PRKCA: variants seen among roughly 807,000 people sequenced by gnomAD.
PRKCA encodes the protein protein kinase C alpha type.
In PRKCA, 27 loss-of-function variants were observed where a neutral mutation model predicts 87.0. That is an observed-to-expected ratio of 0.31 (90% CI 0.23 to 0.43). The LOEUF (loss-of-function observed/expected upper bound fraction) is 0.43, where lower values mean the gene tolerates loss of function less well. Among genes scored for constraint, PRKCA ranks in the 20% least tolerant of loss-of-function variants. The probability of loss-of-function intolerance (pLI) is 1.00; values close to 1 mark genes in which losing one functional copy is unlikely to be tolerated. For synonymous variants in PRKCA, 329 were observed against 311.1 expected (o/e 1.06, Z -0.61); for missense variants, 518 against 852.3 (o/e 0.61, Z 4.88).
intron 3 of PRKCA, among the ~76,000 whole-genome samples, chr17:66,531,085 C>T (rs1967519057): frequency 6.6e-6 from 1 of 152,188 alleles, no homozygotes; most frequent in Admixed American, 6.5e-5. Context: ...TTTTCAGTAA[C>T]ATTCTTTGCT....
intron 2 of PRKCA, among the ~76,000 whole-genome samples, chr17:66,430,886 A>T (rs1239965819): frequency 6.6e-6 from 1 of 152,110 alleles, no homozygotes; most frequent in Non-Finnish European, 1.5e-5. Context: ...AGTTCCTCCA[A>T]CCAATCCTTT....
At chr17:66,346,250 C>G (rs1350066858) in intron 2 of PRKCA, among the ~76,000 whole-genome samples, 1 of 151,884 alleles carries the variant, frequency 6.6e-6, no homozygotes, top group Non-Finnish European at 1.5e-5. Context: ...GCACGTGCCA[C>G]CACGCCTGGC....
intron 3 of PRKCA, among the ~76,000 whole-genome samples, chr17:66,592,429 A>G (rs1442997061): frequency 1.3e-5 from 2 of 152,028 alleles, no homozygotes; most frequent in Non-Finnish European, 1.5e-5. Flanking sequence ...TCCTCAAAAA[A>G]TAGAAAAAGA....
intron 2 of PRKCA, among the ~76,000 whole-genome samples, chr17:66,326,007 G>A (rs1315168266): frequency 3.3e-5 from 5 of 152,082 alleles, no homozygotes; most frequent in South Asian, 4.1e-4. Flanking sequence ...AGCAGGTACC[G>A]TACTAGTTAC....
intron 3 of PRKCA, among the ~76,000 whole-genome samples, chr17:66,505,749 C>T (rs1040771417): frequency 2.6e-5 from 4 of 152,120 alleles, no homozygotes; most frequent in African/African-American, 9.7e-5. Context: ...TATAAAATGC[C>T]TCTGACATCA....
At chr17:66,435,174 AAG>A (rs2143846268) in intron 2 of PRKCA, among the ~76,000 whole-genome samples, 1 of 152,326 alleles carries the variant, frequency 6.6e-6, no homozygotes, top group South Asian at 2.1e-4. Flanking sequence ...CTTGAGGGCA[AAG>A]AGGGGCTAGT....
rs966471715 is a variant in PRKCA, at chr17:66,358,921, G to A, written c.205+52794G>A. 8.6e-5 allele frequency among the ~76,000 whole-genome samples: 13 copies of A among 151,954 alleles called. 1 individual carries two copies. Among genetic ancestry groups the A allele is most frequent in the Middle Eastern group, 3.4e-3 (1 of 294 alleles). On this transcript the variant is annotated intron_variant, in intron 2 of 16. Coordinates refer to ENST00000413366, the MANE Select transcript of PRKCA (RefSeq NM_002737.3). ...AATTTAACAGGATATTAGGATGAGA[G>A]TACCTTTAAAAAAAAGTTCTGCTAA...
intron 3 of PRKCA, among the ~76,000 whole-genome samples, chr17:66,609,041 A>T (rs1283824893): frequency 1.3e-5 from 2 of 152,196 alleles, no homozygotes; most frequent in African/African-American, 4.8e-5. Flanking sequence ...TAGGATCTAG[A>T]ACTCCTGTTT....
At chr17:66,482,206 C>T (rs1213519570) in intron 2 of PRKCA, among the ~76,000 whole-genome samples, 3 of 151,818 alleles carry the variant, frequency 2.0e-5, no homozygotes, top group African/African-American at 7.3e-5. Flanking sequence ...CAAGGCCTTG[C>T]CCTTGAGTTT....
At chr17:66,425,320 C>T (rs1473406099) in intron 2 of PRKCA, among the ~76,000 whole-genome samples, 1 of 152,122 alleles carries the variant, frequency 6.6e-6, no homozygotes, top group East Asian at 1.9e-4. Flanking sequence ...AACCACCGAG[C>T]CCTCTGACAG....
chr17:66,712,521 A>G (rs1973356982), intron 8 of PRKCA, among the ~76,000 whole-genome samples: 1 of 152,218 alleles, frequency 6.6e-6, no homozygotes, highest in Non-Finnish European at 1.5e-5. Flanking sequence ...GAGAAAAATA[A>G]GAAGAAAGAG....
intron 8 of PRKCA, among the ~76,000 whole-genome samples, chr17:66,704,362 G>C (rs1016682303): frequency 6.6e-6 from 1 of 152,112 alleles, no homozygotes; most frequent in Admixed American, 6.5e-5. Flanking sequence ...AGAGTTGTTA[G>C]TGTACTAGTA....
chr17:66,434,311 A>G (rs536749482), intron 2 of PRKCA, among the ~76,000 whole-genome samples: 5 of 152,038 alleles, frequency 3.3e-5, no homozygotes, highest in East Asian at 3.9e-4. Flanking sequence ...AGACTTTACA[A>G]TGTGGCTTAT....
At chr17:66,756,469 A>C (rs989863549) in intron 13 of PRKCA, among the ~76,000 whole-genome samples, 6 of 151,966 alleles carry the variant, frequency 3.9e-5, no homozygotes, top group Non-Finnish European at 8.8e-5. Flanking sequence ...TCACCACCAC[A>C]TCACTAAAGG....
chr17:66,508,417 C>T (rs149936998), intron 3 of PRKCA, among the ~76,000 whole-genome samples: 2 of 152,314 alleles, frequency 1.3e-5, no homozygotes, highest in East Asian at 3.9e-4. Flanking sequence ...GTGAAGGTTT[C>T]CCAGTGACCA....
At chr17:66,424,901 C>T (rs1367864709) in intron 2 of PRKCA, among the ~76,000 whole-genome samples, 3 of 152,004 alleles carry the variant, frequency 2.0e-5, no homozygotes, top group Admixed American at 2.0e-4. Context: ...AGTCCTGCAC[C>T]ACCGTGCCTG....
intron 3 of PRKCA, among the ~76,000 whole-genome samples, chr17:66,590,516 C>G (rs1326296976): frequency 4.6e-5 from 7 of 152,126 alleles, no homozygotes; most frequent in Admixed American, 4.6e-4. Context: ...AGAGCGTGCA[C>G]GAGGGCGTCT....
At chr17:66,322,799 T>C (rs906137685) in intron 2 of PRKCA, among the ~76,000 whole-genome samples, 2 of 151,940 alleles carry the variant, frequency 1.3e-5, no homozygotes, top group Admixed American at 6.6e-5. Context: ...GGGAGTAACA[T>C]TGGATCATAT....
intron 3 of PRKCA, among the ~76,000 whole-genome samples, chr17:66,612,670 C>T (rs565115156): frequency 2.3e-4 from 35 of 150,766 alleles, no homozygotes; most frequent in African/African-American, 8.5e-4. Flanking sequence ...TTTTCTCATA[C>T]TATATAAATT....
Sources: gnomAD v4.1 joint callset for allele counts (sites outside exome capture counted in the v4.1 genomes callset) on GRCh38, gnomAD v4.1.1 for gene constraint, MANE v1.5 for transcripts, NCBI Gene and HGNC (gene_info 2026-07-23, HGNC 2026-07-21) for gene names.